Variants in TRMT13 observed in about 807,000 individuals in gnomAD.
The protein encoded by TRMT13 is tRNA:m(4)X modification enzyme TRM13 homolog.
Under a neutral mutation model 55.9 loss-of-function variants are expected in TRMT13, and 45 were observed. The ratio of observed to expected loss-of-function variants is 0.80; its 90% confidence interval spans 0.63 to 1.03. The LOEUF is 1.03. Among genes scored for constraint, TRMT13 ranks in the 50% least tolerant of loss-of-function variants. The pLI is 0.00. For missense variants in TRMT13, 513 were observed against 563.9 expected (o/e 0.91, Z 0.91); for synonymous variants, 183 against 196.3 (o/e 0.93, Z 0.57).
intron 1 of TRMT13, among the ~76,000 whole-genome samples, chr1:100,134,014 A>G (rs1042766438): frequency 5.3e-5 from 8 of 152,094 alleles, no homozygotes; most frequent in Admixed American, 5.2e-4. Context: ...GGAGGTGGCA[A>G]TAATCCAAGA....
intron 1 of TRMT13, among the ~76,000 whole-genome samples, chr1:100,133,522 C>T (rs886864796): frequency 2.0e-5 from 3 of 152,206 alleles, no homozygotes; most frequent in African/African-American, 4.8e-5. Context: ...CTAAGTAAAG[C>T]GCCAGCAGTG....
chr1:100,134,095 A>G (rs1343645739), intron 1 of TRMT13, among the ~76,000 whole-genome samples: 2 of 152,106 alleles, frequency 1.3e-5, no homozygotes, highest in Non-Finnish European at 2.9e-5. Flanking sequence ...ATTTTTTTCG[A>G]CTTACAGTTT....
At chr1:100,134,495 C>T (rs1655536821) in intron 1 of TRMT13, among the ~76,000 whole-genome samples, 1 of 152,228 alleles carries the variant, frequency 6.6e-6, no homozygotes, top group Non-Finnish European at 1.5e-5. Context: ...CTGCCACTCT[C>T]CATCATAGTT....
intron 1 of TRMT13, among the ~76,000 whole-genome samples, chr1:100,133,928 A>G (rs1032007150): frequency 6.6e-6 from 1 of 151,908 alleles, no homozygotes; most frequent in Admixed American, 6.6e-5. Flanking sequence ...AAAATTAAGA[A>G]AATCGTGGTG....
In TRMT13 at chr1:100,148,886, C is replaced by G; in HGVS notation, c.*66C>G. Reference sequence around the variant, plus strand: ...AAATTTTTTAATTATATTTTTATATCAAAAAAATATATACTTTAAATAGCA... The same window carrying G: ...AAATTTTTTAATTATATTTTTATATGAAAAAAATATATACTTTAAATAGCA... On this transcript the variant is annotated 3_prime_UTR_variant, in exon 11 of 11. Coordinates refer to ENST00000370141, the MANE Select transcript of TRMT13 (RefSeq NM_019083.3). 8.9e-7 allele frequency: 1 copy of G among 1,127,736 alleles called. No individual in the cohort carries two copies. The highest frequency in any genetic ancestry group is 3.1e-5 in the South Asian group (1 of 32,076). The allele number at this position is 1,127,736 out of a possible 1,614,324, so 69.9% of individuals were successfully genotyped here.
chr1:100,148,572 T>C, intron 10 of TRMT13, 53 bp from the exon 11 acceptor site: 3 of 1,504,038 alleles, frequency 2.0e-6, no homozygotes, highest in East Asian at 4.6e-5. Flanking sequence ...AATAATTTTT[T>C]ATAAACTTTT....
At position 100,149,150 on chromosome 1, in the gene TRMT13, AATTTTGGAAATTT is replaced by A; in HGVS notation, c.*333_*345del. The stretch of plus-strand genomic sequence containing the variant: ...TAATTAGCGTATTTCTGTTTGTATT[AATTTTGGAAATTT>A]ATCTTCCTTTGATTTTATTTAATAT... On this transcript the variant is annotated 3_prime_UTR_variant, in exon 11 of 11. Transcript: ENST00000370141. 1 of 1,553,968 alleles carries A rather than the reference AATTTTGGAAATTT, an allele frequency of 6.4e-7. No individual in the cohort carries two copies. Among genetic ancestry groups the A allele is most frequent in the East Asian group, 2.3e-5 (1 of 43,874 alleles).
At chr1:100,140,064 G>A in intron 4 of TRMT13, 118 bp from the exon 5 acceptor site, 1 of 661,478 alleles carries the variant, frequency 1.5e-6, no homozygotes, top group South Asian at 2.0e-5. Flanking sequence ...AGGCTTGATA[G>A]AGAGAAGAGC....
chr1:100,148,547 A>C, intron 10 of TRMT13, 78 bp from the exon 11 acceptor site: 1 of 1,364,362 alleles, frequency 7.3e-7, no homozygotes. Flanking sequence ...CAGTCTCTCA[A>C]TAAATAGTGA....
In TRMT13 at chr1:100,143,217, G is replaced by A; in HGVS notation, c.742+8G>A. The A allele has an allele frequency of 6.3e-7, 1 of 1,576,740 alleles. No individual in the cohort carries two copies. Among genetic ancestry groups the A allele is most frequent in the Non-Finnish European group, 8.7e-7 (1 of 1,150,402 alleles). ...TTCAACACTTGTGTTTGAGTAAGTTGTGTAACTTTCCATTGGTCTACAAAT... is the reference window on the plus strand; with the variant it reads ...TTCAACACTTGTGTTTGAGTAAGTTATGTAACTTTCCATTGGTCTACAAAT... On this transcript the variant is annotated splice_region_variant and intron_variant, in intron 8 of 10. Coordinates refer to ENST00000370141, the MANE Select transcript of TRMT13 (RefSeq NM_019083.3).
intron 3 of TRMT13, 136 bp downstream of exon 3, chr1:100,137,221 G>T: frequency 1.4e-6 from 1 of 697,860 alleles, no homozygotes; most frequent in Non-Finnish European, 2.3e-6. Flanking sequence ...AAAGAGATAG[G>T]GTCTCACTCT....
chr1:100,134,116 A>C (rs1427008224), intron 1 of TRMT13, among the ~76,000 whole-genome samples: 1 of 152,204 alleles, frequency 6.6e-6, no homozygotes. Flanking sequence ...TTAAGAATGC[A>C]ACTTTGCTGG....
At position 100,133,247 on chromosome 1, in the gene TRMT13, A is replaced by T; in HGVS notation, c.79A>T (p.Lys27Ter). The T allele has an allele frequency of 2.5e-6, 4 of 1,614,132 alleles. No homozygotes were observed. The highest frequency in any genetic ancestry group is 3.4e-6 in the Non-Finnish European group (4 of 1,180,010). The part of the protein sequence containing the change: ...GRCGYYVEKK[K>*]RFCRMVVAAG... ...ATGCGGTTACTATGTGGAAAAGAAG[A>T]AACGGTTCTGCAGGATGGTGGTGGC... The change falls in exon 1 of 11, where the codon AAA becomes TAA. Residue 27 changes from lysine to a stop codon, truncating the protein, a stop_gained. Transcript: ENST00000370141. LOFTEE classifies it high-confidence loss of function.
chr1:100,142,140 GTT>G lies in TRMT13; in HGVS notation c.670-994_670-993del, dbSNP rs529433753. 1.1e-4 allele frequency among the ~76,000 whole-genome samples: 16 copies of G among 152,304 alleles called. No individual in the cohort carries two copies. The East Asian group carries it at 2.7e-3, about 26-fold the overall frequency. ...TATTTGTGTTCAGTATGCTAAGTGTGTTTTGATAGTGGTAAGTACCCAATCCT... is the reference window on the plus strand; with the variant it reads ...TATTTGTGTTCAGTATGCTAAGTGTGTTGATAGTGGTAAGTACCCAATCCT... On this transcript the variant is annotated intron_variant, in intron 7 of 10. Transcript: ENST00000370141.
intron 3 of TRMT13, among the ~76,000 whole-genome samples, chr1:100,137,887 C>T (rs1327269050): frequency 6.6e-6 from 1 of 152,166 alleles, no homozygotes; most frequent in African/African-American, 2.4e-5. Flanking sequence ...TGATGACCCT[C>T]ACCACCACCA....
At chr1:100,147,117 A>G (rs1022320288) in intron 9 of TRMT13, among the ~76,000 whole-genome samples, 1 of 152,190 alleles carries the variant, frequency 6.6e-6, no homozygotes, top group Non-Finnish European at 1.5e-5. Context: ...TATGGGTCCT[A>G]CATTTTGGGT....
At chr1:100,142,325 A>G (rs1656736396) in intron 7 of TRMT13, among the ~76,000 whole-genome samples, 1 of 152,236 alleles carries the variant, frequency 6.6e-6, no homozygotes, top group East Asian at 1.9e-4. Flanking sequence ...TTAAAACTAT[A>G]TTAGAAGAGT....
chr1:100,138,524 A>C (rs834163), intron 3 of TRMT13, among the ~76,000 whole-genome samples: 113,951 of 152,080 alleles, frequency 0.75, 45,348 homozygotes, highest in East Asian at 0.95. Context: ...ATTCCACTCA[A>C]TCACCAGTTT....
chr1:100,145,394 A>G (rs1207903519), intron 9 of TRMT13, among the ~76,000 whole-genome samples: 1 of 152,132 alleles, frequency 6.6e-6, no homozygotes, highest in East Asian at 1.9e-4. Flanking sequence ...TACAGTGGCC[A>G]TTTCTCATGT....
Sources: allele counts gnomAD v4.1 joint callset (sites outside exome capture counted in the v4.1 genomes callset), GRCh38; gene constraint gnomAD v4.1.1; transcripts MANE v1.5; gene names NCBI Gene and HGNC (gene_info 2026-07-23, HGNC 2026-07-21).